STAG1: variants seen among roughly 807,000 people sequenced by gnomAD.
STAG1 encodes STAG1 cohesin complex component.
Under a neutral mutation model 170.9 loss-of-function variants are expected in STAG1, and 26 were observed. That is an observed-to-expected ratio of 0.15 (90% CI 0.11 to 0.21). STAG1 has a LOEUF of 0.21. Among genes scored for constraint, STAG1 ranks in the 10% least tolerant of loss-of-function variants. The pLI, the probability that STAG1 is intolerant of heterozygous loss-of-function variation, is 1.00. For synonymous variants in STAG1, 514 were observed against 497.7 expected (o/e 1.03, Z -0.44); for missense variants, 964 against 1,509.5 (o/e 0.64, Z 5.99).
chr3:136,488,630 T>C (rs145912194), intron 9 of STAG1, among the ~76,000 whole-genome samples: 642 of 152,330 alleles, frequency 4.2e-3, no homozygotes, highest in Middle Eastern at 0.014. Flanking sequence ...ATACCCTGAA[T>C]TCTACTCTGA....
chr3:136,651,904 C>T (rs1460328238), intron 1 of STAG1, among the ~76,000 whole-genome samples: 1 of 152,126 alleles, frequency 6.6e-6, no homozygotes, highest in Non-Finnish European at 1.5e-5. Flanking sequence ...TTTATGATCA[C>T]CTACAATTTT....
rs532993261 is a variant in STAG1, at chr3:136,682,978, T to C, written c.-83-51997A>G. ...ACACATGCTACAGTATGGATGAACCTTGAGGATATTGTGTTAAGCGAAATA... is the reference window on the plus strand; with the variant it reads ...ACACATGCTACAGTATGGATGAACCCTGAGGATATTGTGTTAAGCGAAATA... On this transcript the variant is annotated intron_variant, in intron 1 of 33. Transcript: ENST00000383202. Among the ~76,000 whole-genome samples the C allele has an allele frequency of 5.3e-5, 8 of 152,272 alleles. No homozygotes were observed. The South Asian group carries it at 1.7e-3, about 32-fold the overall frequency.
intron 29 of STAG1, chr3:136,348,659 T>C (rs1486701176): frequency 1.3e-5 from 2 of 153,210 alleles, no homozygotes; most frequent in Admixed American, 6.5e-5. Flanking sequence ...CCTCCTTCCT[T>C]GGTCTCCTGA....
chr3:136,556,478 T>A (rs575244695), intron 5 of STAG1, among the ~76,000 whole-genome samples: 7 of 152,272 alleles, frequency 4.6e-5, no homozygotes, highest in African/African-American at 1.7e-4. Context: ...AAAAACTCAA[T>A]AGTGTCAAGA....
chr3:136,551,854 CAA>C (rs1231045562), intron 5 of STAG1, among the ~76,000 whole-genome samples: 1 of 152,044 alleles, frequency 6.6e-6, no homozygotes, highest in African/African-American at 2.4e-5. Flanking sequence ...CTTGGCCTCC[CAA>C]AGTGTTGGGA....
chr3:136,521,483 T>G, intron 6 of STAG1, 66 bp from the exon 7 acceptor site: 1 of 1,427,210 alleles, frequency 7.0e-7, no homozygotes, highest in Non-Finnish European at 9.7e-7. Flanking sequence ...GCTTTTTTTT[T>G]CTTCCTACCT....
intron 7 of STAG1, chr3:136,518,562 C>T (rs983393986): frequency 3.4e-6 from 2 of 586,730 alleles, no homozygotes; most frequent in Non-Finnish European, 6.1e-6. Context: ...TCAGCAAGCC[C>T]TCTGTGCTTT....
intron 1 of STAG1, among the ~76,000 whole-genome samples, chr3:136,677,212 C>T (rs1390285726): frequency 6.6e-6 from 1 of 152,078 alleles, no homozygotes; most frequent in Non-Finnish European, 1.5e-5. Flanking sequence ...TAATTGTATA[C>T]GTCCCATACT....
chr3:136,484,334 G>C (rs1284166510), intron 9 of STAG1, among the ~76,000 whole-genome samples: 1 of 149,042 alleles, frequency 6.7e-6, no homozygotes, highest in Non-Finnish European at 1.5e-5. Flanking sequence ...GGAATACCCT[G>C]CCGTGTGAGG....
chr3:136,464,520 T>A (rs2089395449), intron 13 of STAG1, among the ~76,000 whole-genome samples: 1 of 152,176 alleles, frequency 6.6e-6, no homozygotes, highest in South Asian at 2.1e-4. Context: ...GCTTCAAATT[T>A]AGATTACAAA....
At chr3:136,697,755 T>G (rs1942941683) in intron 1 of STAG1, among the ~76,000 whole-genome samples, 1 of 152,210 alleles carries the variant, frequency 6.6e-6, no homozygotes, top group Non-Finnish European at 1.5e-5. Flanking sequence ...ACCCAGGCAT[T>G]TTGAAATCTG....
intron 4 of STAG1, among the ~76,000 whole-genome samples, chr3:136,597,183 GA>G (rs1413637195): frequency 6.6e-6 from 1 of 151,748 alleles, no homozygotes; most frequent in Non-Finnish European, 1.5e-5. Context: ...ACAAAGCAAT[GA>G]AAAAAATATT....
At chr3:136,702,553 A>AT (rs1394263263) in intron 1 of STAG1, among the ~76,000 whole-genome samples, 4 of 151,904 alleles carry the variant, frequency 2.6e-5, no homozygotes, top group African/African-American at 7.3e-5. Flanking sequence ...CACCCAGCTA[A>AT]TTTTTTATTT....
At chr3:136,468,576 G>A (rs2089536300) in intron 12 of STAG1, among the ~76,000 whole-genome samples, 1 of 152,170 alleles carries the variant, frequency 6.6e-6, no homozygotes, top group Non-Finnish European at 1.5e-5. Context: ...TCTACCAGAG[G>A]TACAAGGAGG....
At chr3:136,585,045 A>G (rs1173216331) in intron 4 of STAG1, among the ~76,000 whole-genome samples, 2 of 152,226 alleles carry the variant, frequency 1.3e-5, no homozygotes, top group African/African-American at 4.8e-5. Flanking sequence ...CTTAGGAAAA[A>G]TATCAAATAA....
At chr3:136,506,147 G>C (rs539139759) in intron 7 of STAG1, among the ~76,000 whole-genome samples, 1 of 152,312 alleles carries the variant, frequency 6.6e-6, no homozygotes, top group East Asian at 1.9e-4. Flanking sequence ...TGTGTGACCA[G>C]AGTATAGGAC....
intron 4 of STAG1, among the ~76,000 whole-genome samples, chr3:136,592,287 G>C (rs1242710749): frequency 6.6e-6 from 1 of 152,226 alleles, no homozygotes; most frequent in African/African-American, 2.4e-5. Flanking sequence ...TGAATCATGG[G>C]GGTGGTATCC....
intron 2 of STAG1, among the ~76,000 whole-genome samples, chr3:136,628,519 T>C (rs952840451): frequency 6.6e-6 from 1 of 152,180 alleles, no homozygotes; most frequent in Non-Finnish European, 1.5e-5. Context: ...CGCAGGGTCC[T>C]TGCATGACAT....
intron 9 of STAG1, among the ~76,000 whole-genome samples, chr3:136,498,249 TACACACAC>T (rs71157389): frequency 0.021 from 1,544 of 73,314 alleles, 116 homozygotes; most frequent in African/African-American, 0.068. Context: ...TACATATACA[TACACACAC>T]ACACACACAC....
Sources: gnomAD v4.1 joint callset for allele counts (sites outside exome capture counted in the v4.1 genomes callset) on GRCh38, gnomAD v4.1.1 for gene constraint, MANE v1.5 for transcripts, NCBI Gene and HGNC (gene_info 2026-07-23, HGNC 2026-07-21) for gene names.